Variants in AKAP7 observed in about 807,000 individuals in gnomAD.
AKAP7 encodes A-kinase anchoring protein 7.
A neutral mutation model predicts 39.5 loss-of-function variants in AKAP7; 39 were observed. The observed-to-expected ratio is 0.99, with a 90% confidence interval of 0.76 to 1.29. AKAP7 has a LOEUF of 1.29. Ranked by LOEUF, AKAP7 falls within the 50% of genes most tolerant of loss-of-function variation. AKAP7 has a pLI of 0.00. For synonymous variants in AKAP7, 140 were observed against 139.1 expected (o/e 1.01, Z -0.05); for missense variants, 414 against 407.7 (o/e 1.02, Z -0.13).
chr6:131,272,492 A>G lies in AKAP7; in HGVS notation c.851-9038A>G, dbSNP rs563926790. Among the ~76,000 whole-genome samples the G allele has an allele frequency of 2.0e-5, 3 of 152,304 alleles. No homozygotes were observed. In the East Asian group the frequency reaches 5.8e-4, roughly 29 times the overall value. ...TTGAGACCTTTTCTTACTTTCTAAT[A>G]TAAGCACTTAGTGTATAAAGTACAG... is the stretch of plus-strand genomic sequence containing the variant. On this transcript the variant is annotated intron_variant, in intron 7 of 7. Coordinates refer to ENST00000431975, the MANE Select transcript of AKAP7 (RefSeq NM_016377.4).
At chr6:131,241,188 G>A (rs1210023774) in intron 7 of AKAP7, among the ~76,000 whole-genome samples, 1 of 152,130 alleles carries the variant, frequency 6.6e-6, no homozygotes, top group Non-Finnish European at 1.5e-5. Context: ...GGTTGAGGGG[G>A]AGCAGGAAAC....
chr6:131,177,351 A>G (rs1290836149), intron 5 of AKAP7, among the ~76,000 whole-genome samples: 2 of 152,206 alleles, frequency 1.3e-5, no homozygotes, highest in Admixed American at 6.5e-5. Context: ...TGAGAACCAC[A>G]TGCTGGGTCA....
At chr6:131,149,382 C>T (rs2128229781) in intron 2 of AKAP7, among the ~76,000 whole-genome samples, 1 of 152,336 alleles carries the variant, frequency 6.6e-6, no homozygotes, top group South Asian at 2.1e-4. Flanking sequence ...CACCTGTAAT[C>T]CCAGCACTTC....
intron 2 of AKAP7, among the ~76,000 whole-genome samples, chr6:131,151,408 G>A (rs925924473): frequency 6.8e-6 from 1 of 147,404 alleles, no homozygotes; most frequent in Non-Finnish European, 1.5e-5. Context: ...GAAAATTTTA[G>A]TAATTTGCCA....
At chr6:131,259,607 T>G (rs938434385) in intron 7 of AKAP7, among the ~76,000 whole-genome samples, 23 of 152,196 alleles carry the variant, frequency 1.5e-4, no homozygotes, top group Non-Finnish European at 2.8e-4. Flanking sequence ...CCCAGTAGTA[T>G]TCTAATTATG....
At position 131,238,446 on chromosome 6, in the gene AKAP7, G is replaced by A. The variant is rs552255919; in HGVS notation, c.850+18638G>A. Among the ~76,000 whole-genome samples, 520 of 152,124 alleles carry A rather than the reference G, an allele frequency of 3.4e-3. 3 individuals carry two copies. The highest frequency in any genetic ancestry group is 0.012 in the African/African-American group (492 of 41,526). On this transcript the variant is annotated intron_variant, in intron 7 of 7. Transcript: ENST00000431975. ...TCTGCTTGGTGCAGAGCTGAGTTCAGTTCCTGGATATCCTTGTTAACTTTC... is the reference window on the plus strand; with the variant it reads ...TCTGCTTGGTGCAGAGCTGAGTTCAATTCCTGGATATCCTTGTTAACTTTC...
chr6:131,241,627 G>GTGTGTGTGTGTGTGTGTGTATA lies in AKAP7; in HGVS notation c.850+21820_850+21821insGTGTGTGTGTGTGTGTGTATAT. ...TGTGTGTGTGTGTGTGTGTGTGTGT[G>GTGTGTGTGTGTGTGTGTGTATA]TATATATATATGACAGTTATAGGAT... is the stretch of plus-strand genomic sequence containing the variant. On this transcript the variant is annotated intron_variant, in intron 7 of 7. Transcript: ENST00000431975. Among the ~76,000 whole-genome samples, 72 of 86,666 alleles carry GTGTGTGTGTGTGTGTGTGTATA rather than the reference G, an allele frequency of 8.3e-4. 2 individuals carry two copies. Among genetic ancestry groups the GTGTGTGTGTGTGTGTGTGTATA allele is most frequent in the South Asian group, 2.6e-3 (7 of 2,710 alleles). 56.9% of individuals were successfully genotyped at this position (86,666 alleles called of 152,430 possible). A position where few individuals can be genotyped will look rare whatever the true frequency, so the allele number is the denominator to read the frequency against.
chr6:131,271,879 A>G (rs1346111077), intron 7 of AKAP7, among the ~76,000 whole-genome samples: 1 of 152,192 alleles, frequency 6.6e-6, no homozygotes. Context: ...TACCTCTACC[A>G]AAAAGTAGAA....
upstream of AKAP7, among the ~76,000 whole-genome samples, chr6:131,133,581 T>C (rs1800374706): frequency 6.6e-6 from 1 of 152,198 alleles, no homozygotes; most frequent in African/African-American, 2.4e-5. Context: ...ATATGTGGCA[T>C]TTGGGCTGTT....
At chr6:131,162,617 C>T (rs1035650420) in intron 3 of AKAP7, among the ~76,000 whole-genome samples, 4 of 152,108 alleles carry the variant, frequency 2.6e-5, no homozygotes, top group African/African-American at 9.7e-5. Flanking sequence ...ACCTCTTTTC[C>T]ATGTTCTCTG....
chr6:131,140,683 T>C (rs1214595748), intron 1 of AKAP7, among the ~76,000 whole-genome samples: 3 of 152,188 alleles, frequency 2.0e-5, no homozygotes, highest in Non-Finnish European at 4.4e-5. Flanking sequence ...TGGGTTTATT[T>C]CATTTTGTTC....
At chr6:131,232,847 G>T (rs2128306959) in intron 7 of AKAP7, among the ~76,000 whole-genome samples, 1 of 151,650 alleles carries the variant, frequency 6.6e-6, no homozygotes, top group East Asian at 1.9e-4. Context: ...TAGTCATATA[G>T]AATACTTATT....
In AKAP7 at chr6:131,282,231, G is replaced by A; in HGVS notation, c.*505G>A. On this transcript the variant is annotated 3_prime_UTR_variant, in exon 8 of 8. Coordinates refer to ENST00000431975, the MANE Select transcript of AKAP7 (RefSeq NM_016377.4). ...TAAGTGTGCTGTTGCTATGCAGTGT[G>A]ATCTTTATTTATAGTAAATTATGTT... 7.5e-7 allele frequency: 1 copy of A among 1,339,932 alleles called. No homozygotes were observed. 83.0% of individuals were successfully genotyped at this position (1,339,932 alleles called of 1,614,324 possible).
intron 6 of AKAP7, among the ~76,000 whole-genome samples, chr6:131,201,702 C>T (rs1368956713): frequency 6.6e-6 from 1 of 152,252 alleles, no homozygotes; most frequent in African/African-American, 2.4e-5. Flanking sequence ...CCTAGGTTTT[C>T]TTCTAGGGCT....
At chr6:131,222,326 C>T (rs1200923164) in intron 7 of AKAP7, among the ~76,000 whole-genome samples, 2 of 152,136 alleles carry the variant, frequency 1.3e-5, no homozygotes, top group East Asian at 3.9e-4. Flanking sequence ...GAGATCGAGA[C>T]CATCCTGGCT....
intron 7 of AKAP7, among the ~76,000 whole-genome samples, chr6:131,248,222 A>G (rs1422159538): frequency 6.6e-6 from 1 of 152,182 alleles, no homozygotes. Flanking sequence ...ATCAAATACT[A>G]TTTTGCAATG....
intron 1 of AKAP7, among the ~76,000 whole-genome samples, chr6:131,145,080 A>G (rs1337501965): frequency 6.6e-6 from 1 of 152,168 alleles, no homozygotes; most frequent in Non-Finnish European, 1.5e-5. Flanking sequence ...GAAAATGATT[A>G]AAGCTTTATA....
chr6:131,232,371 A>T (rs1156587434), intron 7 of AKAP7, among the ~76,000 whole-genome samples: 4 of 152,314 alleles, frequency 2.6e-5, no homozygotes, highest in Admixed American at 2.6e-4. Context: ...CAGTCTGGTC[A>T]AACAAAGCCA....
chr6:131,272,303 T>G (rs1814350285), intron 7 of AKAP7, among the ~76,000 whole-genome samples: 1 of 152,210 alleles, frequency 6.6e-6, no homozygotes, highest in South Asian at 2.1e-4. Flanking sequence ...TTTATAGATT[T>G]TTTTTCAAGG....
Sources: allele counts gnomAD v4.1 joint callset (sites outside exome capture counted in the v4.1 genomes callset), GRCh38; gene constraint gnomAD v4.1.1; transcripts MANE v1.5; gene names NCBI Gene and HGNC (gene_info 2026-07-23, HGNC 2026-07-21).